Variants in NUP210L observed in about 807,000 individuals in gnomAD.
NUP210L encodes the protein nuclear pore membrane glycoprotein 210-like.
A neutral mutation model predicts 208.5 loss-of-function variants in NUP210L; 74 were observed. The ratio of observed to expected loss-of-function variants is 0.35; its 90% CI spans 0.29 to 0.43. The LOEUF is 0.43. Among genes scored for constraint, NUP210L ranks in the 20% least tolerant of loss-of-function variants. NUP210L has a pLI of 1.00. For synonymous variants in NUP210L, 780 were observed against 816.9 expected (o/e 0.95, Z 0.77); for missense variants, 1,843 against 2,289.4 (o/e 0.81, Z 3.98).
chr1:154,086,824 A>G (rs1477846675), intron 16 of NUP210L, among the ~76,000 whole-genome samples: 3 of 152,182 alleles, frequency 2.0e-5, no homozygotes, highest in African/African-American at 7.2e-5. Flanking sequence ...CTTAAAAAAA[A>G]AAAAGTAAAA....
chr1:154,045,639 G>A (rs923952760), intron 27 of NUP210L, among the ~76,000 whole-genome samples: 2 of 152,312 alleles, frequency 1.3e-5, no homozygotes, highest in African/African-American at 4.8e-5. Context: ...AGTAGGAAAA[G>A]TAAATAAGTA....
chr1:154,052,674 T>TC (rs1653583034), intron 25 of NUP210L, among the ~76,000 whole-genome samples: 1 of 152,216 alleles, frequency 6.6e-6, no homozygotes, highest in Admixed American at 6.5e-5. Flanking sequence ...CTTTCTGATC[T>TC]CAGTATTTAC....
intron 27 of NUP210L, among the ~76,000 whole-genome samples, chr1:154,032,929 C>T (rs1457705720): frequency 8.3e-6 from 1 of 120,796 alleles, no homozygotes; most frequent in Non-Finnish European, 1.6e-5. Flanking sequence ...CAGAGCAAGA[C>T]TACATCTCAA....
At chr1:153,995,587 TACC>T in intron 37 of NUP210L, 2 of 786,308 alleles carry the variant, frequency 2.5e-6, no homozygotes, top group Non-Finnish European at 4.5e-6. Flanking sequence ...AAATGCTGGT[TACC>T]ACTTCTTCCT....
At chr1:154,038,337 C>CTTTTTTTT (rs993828789) in intron 27 of NUP210L, among the ~76,000 whole-genome samples, 1 of 134,652 alleles carries the variant, frequency 7.4e-6, no homozygotes, top group African/African-American at 2.7e-5. Flanking sequence ...TTTTCTTTTT[C>CTTTTTTTT]TTTTTTTTTT....
intron 2 of NUP210L, among the ~76,000 whole-genome samples, chr1:154,145,534 T>TGGCATGCTTCCTTTCAACAGAAAC (rs1440419005): frequency 6.7e-4 from 102 of 152,152 alleles, no homozygotes; most frequent in Non-Finnish European, 1.3e-3. Context: ...TTTCAGGAAA[T>TGGCATGCTTCCTTTCAACAGAAAC]GGCATGCTTC....
chr1:154,106,412 G>C (rs1366358610), intron 12 of NUP210L, among the ~76,000 whole-genome samples: 1 of 152,182 alleles, frequency 6.6e-6, no homozygotes, highest in East Asian at 1.9e-4. Flanking sequence ...TTCTGAACCT[G>C]CCCTGGGCTG....
chr1:154,095,949 A>T (rs924937218), intron 14 of NUP210L, among the ~76,000 whole-genome samples: 2 of 151,994 alleles, frequency 1.3e-5, no homozygotes, highest in South Asian at 2.1e-4. Context: ...ACAGTGACTA[A>T]TTTTTTTTTA....
chr1:154,100,072 C>A, exon 14 of NUP210L: 4 of 1,613,924 alleles, frequency 2.5e-6, no homozygotes, highest in Non-Finnish European at 3.4e-6. Flanking sequence ...CTTACTGTTA[C>A]CAGAGTATGG....
chr1:154,039,021 T>G (rs1017936139), intron 27 of NUP210L, among the ~76,000 whole-genome samples: 1 of 152,186 alleles, frequency 6.6e-6, no homozygotes, highest in African/African-American at 2.4e-5. Context: ...GTCTTTCTAC[T>G]CAAGATACGA....
rs1557924536 is a variant in NUP210L, at chr1:154,027,103, AAAAAAAAC to A, written c.3947+395_3947+402del. ...CTCAAAAAAAAAAAAAAAACAAAAA[AAAAAAAAC>A]AAAAAACACAAAACGTTGCATACTG... On this transcript the variant is annotated intron_variant, in intron 29 of 39. Coordinates refer to ENST00000368559, the Ensembl canonical transcript of NUP210L. 9.4e-4 allele frequency among the ~76,000 whole-genome samples: 142 copies of A among 150,450 alleles called. 2 individuals are homozygous for A. Among genetic ancestry groups the A allele is most frequent in the African/African-American group, 3.4e-3 (139 of 40,432 alleles).
intron 16 of NUP210L, among the ~76,000 whole-genome samples, chr1:154,088,321 C>A (rs1431118568): frequency 6.6e-6 from 1 of 150,624 alleles, no homozygotes; most frequent in African/African-American, 2.4e-5. Context: ...GCAGTGAGAC[C>A]CTGTCTCAAA....
At position 154,036,478 on chromosome 1, in the gene NUP210L, C is replaced by A. The variant is rs1468263700; in HGVS notation, c.3697-6424G>T. On this transcript the variant is annotated intron_variant, in intron 27 of 39. Transcript: ENST00000368559. The stretch of plus-strand genomic sequence containing the variant: ...TTCCTGGATTCAAGCAAGTCTCCTA[C>A]CTCAGCCTCCTGAGTAGCTGGGATT... Among the ~76,000 whole-genome samples the A allele has an allele frequency of 2.7e-5, 4 of 150,254 alleles. No homozygotes were observed. The East Asian group carries it at 7.9e-4, about 30-fold the overall frequency.
At chr1:154,146,303 CATAA>C (rs1194733393) in intron 2 of NUP210L, among the ~76,000 whole-genome samples, 1 of 152,030 alleles carries the variant, frequency 6.6e-6, no homozygotes, top group East Asian at 1.9e-4. Context: ...CCCATACTGA[CATAA>C]ATAATTGAAT....
chr1:154,047,803 T>A (rs1571211136), intron 25 of NUP210L, among the ~76,000 whole-genome samples: 1 of 152,180 alleles, frequency 6.6e-6, no homozygotes, highest in African/African-American at 2.4e-5. Context: ...TGTCTTTAAT[T>A]CCTCTAGTGC....
At chr1:154,025,174 T>C (rs546954071) in intron 30 of NUP210L, among the ~76,000 whole-genome samples, 1 of 151,926 alleles carries the variant, frequency 6.6e-6, no homozygotes, top group African/African-American at 2.4e-5. Context: ...GTGATCCGCC[T>C]GCCTCAGCCT....
At chr1:154,149,705 T>C (rs1197577251) in intron 2 of NUP210L, among the ~76,000 whole-genome samples, 2 of 152,114 alleles carry the variant, frequency 1.3e-5, no homozygotes, top group African/African-American at 4.8e-5. Flanking sequence ...TGAAACCCTG[T>C]CCCAAAAAAT....
At chr1:154,061,549 T>C (rs1261601861) in intron 18 of NUP210L, 37 bp downstream of exon 18, 3 of 1,192,848 alleles carry the variant, frequency 2.5e-6, no homozygotes, top group Non-Finnish European at 3.7e-6. Flanking sequence ...ATTCCAATTA[T>C]TTAATTTATA....
rs1317132345 is a variant in NUP210L, at chr1:154,001,731, A to G, written c.5181+4T>C. ...GTTCTGTTTTGGTTCAGTTCTTAAC[A>G]TACCTCTAGCTTCCTAAGAACTCTG... is the stretch of plus-strand genomic sequence containing the variant. On this transcript the variant is annotated splice_donor_region_variant and intron_variant, in intron 36 of 39. Transcript: ENST00000368559. 2 of 1,613,934 alleles carry G rather than the reference A, an allele frequency of 1.2e-6. No individual in the cohort carries two copies. Among genetic ancestry groups the G allele is most frequent in the African/African-American group, 1.3e-5 (1 of 74,928 alleles).
Sources: gnomAD v4.1 joint callset for allele counts (sites outside exome capture counted in the v4.1 genomes callset) on GRCh38, gnomAD v4.1.1 for gene constraint, MANE v1.5 for transcripts, NCBI Gene and HGNC (gene_info 2026-07-23, HGNC 2026-07-21) for gene names.